TBC1D8B: variants seen among roughly 807,000 people sequenced by gnomAD.
TBC1D8B encodes the protein RP11-321G1.1.
Under a neutral mutation model 82.9 loss-of-function variants are expected in TBC1D8B, and 75 were observed. The observed-to-expected ratio is 0.90, with a 90% CI of 0.75 to 1.10. The LOEUF (loss-of-function observed/expected upper bound fraction) is 1.10, where lower values mean the gene tolerates loss of function less well. Among genes scored for constraint, TBC1D8B ranks in the 50% least tolerant of loss-of-function variants. The pLI, the probability that TBC1D8B is intolerant of heterozygous loss-of-function variation, is 0.00. For synonymous variants in TBC1D8B, 276 were observed against 276.8 expected, an observed-to-expected ratio of 1.00 and a Z score of 0.03; for missense variants, 794 against 796.9, an observed-to-expected ratio of 1.00 and a Z score of 0.04.
At chrX:106,827,035 C>T in intron 6 of TBC1D8B, 135 bp from the exon 7 acceptor site, 1 of 644,141 alleles carries the variant, frequency 1.6e-6, no homozygotes, top group South Asian at 2.9e-5. Context: ...CAACTAGTAC[C>T]CAAAGTCTAT....
chrX:106,861,757 A>T (rs1304208065), intron 14 of TBC1D8B, among the ~76,000 whole-genome samples: 2 of 111,767 alleles, frequency 1.8e-5, no homozygotes, highest in African/African-American at 3.2e-5. Flanking sequence ...TAATATTAAT[A>T]TGTGTAGATT....
At chrX:106,825,868 G>A (rs1345078443) in intron 5 of TBC1D8B, among the ~76,000 whole-genome samples, 162 bp from the exon 6 acceptor site, 1 of 111,934 alleles carries the variant, frequency 8.9e-6, no homozygotes, top group African/African-American at 3.2e-5. Flanking sequence ...CAAGGAATCA[G>A]TGTATTTTTT....
In TBC1D8B at chrX:106,873,748, G is replaced by T. The variant is rs1321347358; in HGVS notation, c.3146G>T (p.Gly1049Val). 1 of 1,211,681 alleles carries T rather than the reference G, an allele frequency of 8.3e-7. No individual in the cohort carries two copies. Among genetic ancestry groups the T allele is most frequent in the Non-Finnish European group, 1.1e-6 (1 of 895,485 alleles). ...AAAGGATTCTCTGGTACTGTCTGTG[G>T]TTCTGGAGGACCCAGTGAGGAAAAA... ...SAKGFSGTVCGSGGPSEEKTG... is the reference protein window; with the variant it reads ...SAKGFSGTVCVSGGPSEEKTG... Residue 1049 changes from glycine to valine, a missense_variant, in exon 21 of 21, where the codon GGT becomes GTT. By Grantham distance (109) the Gly-to-Val change is moderately radical (BLOSUM62 -3). Coordinates refer to ENST00000357242, the MANE Select transcript of TBC1D8B (RefSeq NM_017752.3).
intron 14 of TBC1D8B, among the ~76,000 whole-genome samples, chrX:106,855,925 AC>A (rs1932686566): frequency 9.0e-6 from 1 of 111,365 alleles, no homozygotes; most frequent in Non-Finnish European, 1.9e-5. Context: ...AGTCCCAGCT[AC>A]TCAGGAAGCT....
At chrX:106,849,718 G>A in intron 11 of TBC1D8B, 1 of 865,046 alleles carries the variant, frequency 1.2e-6, no homozygotes, top group Non-Finnish European at 1.4e-6. Context: ...CTTGTGTTAT[G>A]CTAGATATTA....
At chrX:106,821,021 G>A in intron 3 of TBC1D8B, 26 bp downstream of exon 3, 12 of 933,662 alleles carry the variant, frequency 1.3e-5, no homozygotes, top group Non-Finnish European at 1.6e-5. Context: ...ATATCTTGTA[G>A]ATGGAGTGCC....
intron 10 of TBC1D8B, among the ~76,000 whole-genome samples, chrX:106,842,780 T>C (rs922401875): frequency 6.3e-5 from 7 of 110,857 alleles, no homozygotes; most frequent in African/African-American, 2.0e-4. Context: ...GTGCAAACCT[T>C]CACCATTATC....
chrX:106,855,323 T>A (rs1428420878), intron 14 of TBC1D8B, among the ~76,000 whole-genome samples: 1 of 112,580 alleles, frequency 8.9e-6, no homozygotes, highest in Non-Finnish European at 1.9e-5. Flanking sequence ...TAATACATGC[T>A]CACTGTAAAT....
chrX:106,853,637 G>C lies in TBC1D8B; in HGVS notation c.2240G>C (p.Arg747Thr). The C allele has an allele frequency of 2.5e-6, 3 of 1,206,179 alleles. No individual in the cohort carries two copies. The South Asian group carries it at 5.3e-5, about 21-fold the overall frequency. The change falls in exon 13 of 21, where the codon AGA (arginine) becomes ACA (threonine). Residue 747 changes from arginine (R) to threonine (T), a missense_variant. Physicochemically the swap from Arg to Thr is moderately conservative, Grantham distance 71. Coordinates refer to ENST00000357242, the MANE Select transcript of TBC1D8B (RefSeq NM_017752.3). The part of the protein sequence containing the change: ...HTRVDITDLI[R>T]ESNEKYGNIR... ...AGAGTGGATATTACAGATTTGATTA[G>C]AGAATCAAATGAGGTAAGTTTTTTC...
At chrX:106,821,493 CTCTG>C (rs1051803493) in intron 3 of TBC1D8B, among the ~76,000 whole-genome samples, 1 of 110,731 alleles carries the variant, frequency 9.0e-6, no homozygotes, top group Admixed American at 9.7e-5. Context: ...ATTTGCTTAC[CTCTG>C]TCCTAAGAGA....
intron 1 of TBC1D8B, among the ~76,000 whole-genome samples, chrX:106,806,340 G>A (rs950695857): frequency 7.1e-5 from 8 of 112,223 alleles, no homozygotes; most frequent in African/African-American, 2.6e-4. Context: ...TTCATTTAGA[G>A]AAATAATTCA....
At chrX:106,855,783 A>G (rs187414019) in intron 14 of TBC1D8B, among the ~76,000 whole-genome samples, 9 of 111,989 alleles carry the variant, frequency 8.0e-5, no homozygotes, top group African/African-American at 2.9e-4. Flanking sequence ...CTGCCAAATT[A>G]TGCTTCAAAA....
Position 106,840,851 on chromosome X carries a change from T to C in TBC1D8B, c.1686T>C (p.Tyr562=). The change falls in exon 10 of 21, where the codon TAT becomes TAC. Residue 562 remains tyrosine (Y), a synonymous_variant. Coordinates refer to ENST00000357242, the MANE Select transcript of TBC1D8B (RefSeq NM_017752.3). ...ISALRRVLTA[Y]AYRNPKIGYC... ...CTCTGAGAAGGGTACTCACAGCTTA[T>C]GCATACAGGAATCCCAAAATTGGAT... 8.3e-7 allele frequency: 1 copy of C among 1,210,881 alleles called. No homozygotes were observed. Among genetic ancestry groups the C allele is most frequent in the Non-Finnish European group, 1.1e-6 (1 of 894,988 alleles).
intron 1 of TBC1D8B, among the ~76,000 whole-genome samples, chrX:106,817,818 TA>T (rs1379078318): frequency 9.0e-6 from 1 of 111,295 alleles, no homozygotes; most frequent in Non-Finnish European, 1.9e-5. Context: ...GAATTCAGAT[TA>T]GTTGGACTGG....
At chrX:106,865,471 C>A in intron 14 of TBC1D8B, 88 bp from the exon 15 acceptor site, 2 of 610,823 alleles carry the variant, frequency 3.3e-6, no homozygotes, top group Non-Finnish European at 4.9e-6. Context: ...TTTCTTCTAG[C>A]AGAGAGAGAC....
At position 106,839,461 on chromosome X, in the gene TBC1D8B, G is replaced by C. The variant is rs1317377532; in HGVS notation, c.1353+4G>C. The C allele has an allele frequency of 5.3e-6, 6 of 1,133,948 alleles. No individual in the cohort carries two copies. The highest frequency in any genetic ancestry group is 7.0e-6 in the Non-Finnish European group (6 of 856,512). 93.5% of individuals were successfully genotyped at this position (1,133,948 alleles called of 1,213,427 possible). On this transcript the variant is annotated splice_donor_region_variant and intron_variant, in intron 8 of 20. Coordinates refer to ENST00000357242, the MANE Select transcript of TBC1D8B (RefSeq NM_017752.3). ...GGAGACTCTTAATTCTAAAATGGTA[G>C]GAAAACAAAATATTTAAACCTATGG... is the stretch of plus-strand genomic sequence containing the variant.
chrX:106,827,146 A>G (rs1388594394), intron 6 of TBC1D8B, 24 bp from the exon 7 acceptor site: 1 of 1,192,455 alleles, frequency 8.4e-7, no homozygotes, highest in Non-Finnish European at 1.1e-6. Context: ...AATTTAATTG[A>G]CCTCTATGTT....
At chrX:106,864,501 A>G (rs778297275) in intron 14 of TBC1D8B, among the ~76,000 whole-genome samples, 1 of 93,608 alleles carries the variant, frequency 1.1e-5, no homozygotes, top group Non-Finnish European at 2.1e-5. Context: ...GGCCCCTCCC[A>G]TGCTGGGCAC....
At chrX:106,872,462 TA>T (rs1932856057) in intron 20 of TBC1D8B, among the ~76,000 whole-genome samples, 1 of 8,226 alleles carries the variant, frequency 1.2e-4, no homozygotes, top group Non-Finnish European at 4.3e-4. Flanking sequence ...TATTTATATA[TA>T]TATATATATA....
Sources: allele counts gnomAD v4.1 joint callset (sites outside exome capture counted in the v4.1 genomes callset), GRCh38; gene constraint gnomAD v4.1.1; transcripts MANE v1.5; gene names NCBI Gene and HGNC (gene_info 2026-07-23, HGNC 2026-07-21).